The following NALF1 variants were observed in gnomAD, a reference collection of about 807,000 sequenced individuals.
NALF1 encodes the protein family with sequence similarity 155 member A.
Under a neutral mutation model 48.4 loss-of-function variants are expected in NALF1, and 3 were observed. The ratio of observed to expected loss-of-function variants is 0.06; its 90% confidence interval spans 0.03 to 0.16. The LOEUF (loss-of-function observed/expected upper bound fraction) is 0.16, where lower values mean the gene tolerates loss of function less well. Among genes scored for constraint, NALF1 ranks in the 10% least tolerant of loss-of-function variants. NALF1 has a pLI of 1.00. For synonymous variants in NALF1, 262 were observed against 245.7 expected, an observed-to-expected ratio of 1.07 and a Z score of -0.62; for missense variants, 526 against 571.5, an observed-to-expected ratio of 0.92 and a Z score of 0.81.
At chr13:107,325,883 T>TACAC (rs1662486140) in intron 1 of NALF1, among the ~76,000 whole-genome samples, 1 of 94,888 alleles carries the variant, frequency 1.1e-5, no homozygotes, top group Non-Finnish European at 2.3e-5. Flanking sequence ...TATATATATA[T>TACAC]ATATACACAC....
At chr13:107,744,403 T>TA (rs909521940) in intron 1 of NALF1, among the ~76,000 whole-genome samples, 179 of 151,686 alleles carry the variant, frequency 1.2e-3, no homozygotes, top group African/African-American at 3.5e-3. Flanking sequence ...CGAAGTGTTT[T>TA]AAAAAAAAAT....
At chr13:107,397,415 G>A (rs1454456450) in intron 1 of NALF1, among the ~76,000 whole-genome samples, 1 of 152,144 alleles carries the variant, frequency 6.6e-6, no homozygotes, top group Non-Finnish European at 1.5e-5. Context: ...ATCTTGAAAT[G>A]CTTTTCAAAC....
At chr13:107,611,069 A>G (rs1166298744) in intron 1 of NALF1, among the ~76,000 whole-genome samples, 1 of 152,246 alleles carries the variant, frequency 6.6e-6, no homozygotes, top group Non-Finnish European at 1.5e-5. Context: ...TCACAAGAGC[A>G]GAAACTGCCC....
chr13:107,351,176 C>T (rs1469438844), intron 1 of NALF1, among the ~76,000 whole-genome samples: 2 of 152,116 alleles, frequency 1.3e-5, no homozygotes, highest in Non-Finnish European at 2.9e-5. Context: ...TTATGCAATA[C>T]GCGTCTCTGA....
intron 1 of NALF1, among the ~76,000 whole-genome samples, chr13:107,701,767 T>C (rs143876188): frequency 4.2e-4 from 64 of 152,310 alleles, no homozygotes; most frequent in African/African-American, 1.5e-3. Flanking sequence ...TGTGAGATGA[T>C]AGATATATCG....
chr13:107,638,197 A>ATG (rs146600331), intron 1 of NALF1, among the ~76,000 whole-genome samples: 8,029 of 48,038 alleles, frequency 0.17, 1,088 homozygotes, highest in African/African-American at 0.29. Flanking sequence ...TTATATATAT[A>ATG]TATATATATA....
intron 1 of NALF1, among the ~76,000 whole-genome samples, chr13:107,531,918 A>G (rs1036112759): frequency 3.3e-5 from 5 of 152,016 alleles, no homozygotes; most frequent in African/African-American, 9.7e-5. Context: ...CCATTTTGCA[A>G]TCTTCTATTT....
At chr13:107,747,510 T>C (rs1181457460) in intron 1 of NALF1, among the ~76,000 whole-genome samples, 2 of 152,136 alleles carry the variant, frequency 1.3e-5, no homozygotes, top group Non-Finnish European at 2.9e-5. Context: ...CCTACCTCAG[T>C]AAAGATTTTT....
intron 1 of NALF1, among the ~76,000 whole-genome samples, chr13:107,813,357 A>T (rs1879057171): frequency 6.6e-6 from 1 of 152,190 alleles, no homozygotes; most frequent in Non-Finnish European, 1.5e-5. Context: ...AAACGTAAAG[A>T]AACAACACAT....
rs952794387 is a variant in NALF1 at position 107,259,958 on chromosome 13, T to G, written c.916-49203A>C. 6.6e-5 allele frequency among the ~76,000 whole-genome samples: 10 copies of G among 152,326 alleles called. No individual in the cohort carries two copies. The East Asian group carries it at 1.9e-3, about 29-fold the overall frequency. ...CACTCTCTGCTTTACTGTCATTACT[T>G]GGTACTTGATAGCAACTCAATAAAG... On this transcript the variant is annotated intron_variant, in intron 1 of 2. Coordinates refer to ENST00000375915, the MANE Select transcript of NALF1 (RefSeq NM_001080396.3).
At chr13:107,194,587 G>C (rs1420378180) in intron 2 of NALF1, among the ~76,000 whole-genome samples, 1 of 152,140 alleles carries the variant, frequency 6.6e-6, no homozygotes, top group Admixed American at 6.5e-5. Flanking sequence ...ATGGATCAAA[G>C]ACTTAAATCT....
chr13:107,776,979 C>T lies in NALF1; in HGVS notation c.915+88703G>A, dbSNP rs145968062. 2.5e-3 allele frequency among the ~76,000 whole-genome samples: 373 copies of T among 152,162 alleles called. 4 individuals are homozygous for T. The highest frequency in any genetic ancestry group is 8.5e-3 in the African/African-American group (351 of 41,528). ...TGGTGGCTCACGTCTATAGTCCCAG[C>T]TGCTTGGGAGACTGAGGGGGGGAAG... On this transcript the variant is annotated intron_variant, in intron 1 of 2. Transcript: ENST00000375915.
chr13:107,644,153 ACTCAT>A (rs1183995749), intron 1 of NALF1, among the ~76,000 whole-genome samples: 1 of 152,116 alleles, frequency 6.6e-6, no homozygotes, highest in African/African-American at 2.4e-5. Flanking sequence ...CTTCAGAAAT[ACTCAT>A]CTCAAGAATA....
At chr13:107,506,658 T>G (rs1401427031) in intron 1 of NALF1, among the ~76,000 whole-genome samples, 1 of 152,168 alleles carries the variant, frequency 6.6e-6, no homozygotes, top group Non-Finnish European at 1.5e-5. Flanking sequence ...GTGAATGACT[T>G]ATTTCATTTT....
At chr13:107,603,678 A>G (rs1878992992) in intron 1 of NALF1, among the ~76,000 whole-genome samples, 1 of 152,258 alleles carries the variant, frequency 6.6e-6, no homozygotes, top group Non-Finnish European at 1.5e-5. Flanking sequence ...AGTGAAGATT[A>G]AAACTAAAAT....
chr13:107,306,957 C>CA (rs528533864), intron 1 of NALF1, among the ~76,000 whole-genome samples: 47 of 151,492 alleles, frequency 3.1e-4, no homozygotes, highest in East Asian at 5.8e-4. Flanking sequence ...GAGCTTGTCT[C>CA]AAAAAAAACA....
At position 107,269,806 on chromosome 13, in the gene NALF1, A is replaced by G. The variant is rs112961819; in HGVS notation, c.916-59051T>C. The stretch of plus-strand genomic sequence containing the variant: ...CTGTTTTATTATATAAGGAAGAAAT[A>G]TGTTTCTTTTTTTTTTTTGCAAGCT... On this transcript the variant is annotated intron_variant, in intron 1 of 2. Transcript: ENST00000375915. Among the ~76,000 whole-genome samples the G allele has an allele frequency of 3.7e-3, 534 of 145,550 alleles. 4 individuals carry two copies. The highest frequency in any genetic ancestry group is 0.013 in the African/African-American group (501 of 39,420).
chr13:107,802,229 A>G (rs532415702), intron 1 of NALF1, among the ~76,000 whole-genome samples: 1 of 152,272 alleles, frequency 6.6e-6, no homozygotes, highest in East Asian at 1.9e-4. Flanking sequence ...TTTTTCACCA[A>G]TTACTCACTT....
chr13:107,258,486 T>C (rs1399427990), intron 1 of NALF1, among the ~76,000 whole-genome samples: 1 of 152,106 alleles, frequency 6.6e-6, no homozygotes, highest in Non-Finnish European at 1.5e-5. Flanking sequence ...GTTGGTAAGA[T>C]TGGTCAAATC....
Sources: allele counts gnomAD v4.1 joint callset (sites outside exome capture counted in the v4.1 genomes callset), GRCh38; gene constraint gnomAD v4.1.1; transcripts MANE v1.5; gene names NCBI Gene and HGNC (gene_info 2026-07-23, HGNC 2026-07-21).